Variants in DPM1 observed in about 807,000 individuals in gnomAD.
The protein encoded by DPM1 is dolichyl-phosphate mannosyltransferase subunit 1, catalytic.
DPM1 carries 27 observed loss-of-function variants against 39.0 expected under a neutral mutation model. The ratio of observed to expected loss-of-function variants is 0.69; its 90% CI spans 0.51 to 0.95. The LOEUF (loss-of-function observed/expected upper bound fraction) is 0.95. Ranked by LOEUF, DPM1 falls within the 40% of genes least tolerant of loss-of-function variation. The pLI is 0.00. For missense variants in DPM1, 307 were observed against 315.6 expected (o/e 0.97, Z 0.21); for synonymous variants, 124 against 109.0 (o/e 1.14, Z -0.86).
chr20:50,951,965 CT>C lies in DPM1; in HGVS notation c.261+3220del, dbSNP rs1429720938. On this transcript the variant is annotated intron_variant, in intron 2 of 8. Transcript: ENST00000371588. ...CTTAATTCCACCTCTCCACCCTCCC[CT>C]GATCCTTTTTTGCCTCTTCATATCA... Among the ~76,000 whole-genome samples, 6 of 152,148 alleles carry C rather than the reference CT, an allele frequency of 3.9e-5. No homozygotes were observed. In the East Asian group the frequency reaches 9.6e-4, roughly 24 times the overall value.
rs746753330 is a variant in DPM1, at chr20:50,958,354, G to C, written c.161+9C>G. On this transcript the variant is annotated intron_variant, in intron 1 of 8. Transcript: ENST00000371588. ...CTCATTCTTCGGGGAGGGAGACCTG[G>C]TGCGCTACCTCTCGGAGAAGCTTTT... The C allele has an allele frequency of 6.2e-7, 1 of 1,612,976 alleles. No individual in the cohort carries two copies. The highest frequency in any genetic ancestry group is 8.5e-7 in the Non-Finnish European group (1 of 1,180,008).
Position 50,936,155 on chromosome 20 carries a change from A to T in DPM1, c.671T>A (p.Ile224Asn), listed in dbSNP as rs2123061350. 2.5e-6 allele frequency: 4 copies of T among 1,610,712 alleles called. No individual in the cohort carries two copies. The highest frequency in any genetic ancestry group is 2.5e-6 in the Non-Finnish European group (3 of 1,176,992). ...TTAGCATCAGTTGCATACCTCGCCA[A>T]TAGTATAATTCAACTGTCTTGCCCG... ...IVRARQLNYT[I>N]GEVPISFVDR... The change falls in exon 8 of 9, where the codon ATT becomes AAT. Residue 224 changes from isoleucine (I) to asparagine (N), a missense_variant. Ile to Asn is a moderately radical substitution (Grantham distance 149). Transcript: ENST00000371588.
At chr20:50,953,176 G>A (rs149962420) in intron 2 of DPM1, among the ~76,000 whole-genome samples, 1 of 152,322 alleles carries the variant, frequency 6.6e-6, no homozygotes, top group Non-Finnish European at 1.5e-5. Flanking sequence ...AGCAGTTGAA[G>A]TCCTTCACAA....
intron 2 of DPM1, among the ~76,000 whole-genome samples, chr20:50,949,112 G>C (rs1986448502): frequency 6.6e-6 from 1 of 152,128 alleles, no homozygotes; most frequent in African/African-American, 2.4e-5. Flanking sequence ...GCCCGCCTCG[G>C]CCTCCCAAAG....
At chr20:50,946,730 A>C (rs1986306366) in intron 3 of DPM1, among the ~76,000 whole-genome samples, 1 of 152,208 alleles carries the variant, frequency 6.6e-6, no homozygotes, top group Non-Finnish European at 1.5e-5. Context: ...CAGACCCCTC[A>C]CAAGTGTCTT....
intron 2 of DPM1, among the ~76,000 whole-genome samples, chr20:50,949,623 G>A (rs1045177121): frequency 2.6e-5 from 4 of 152,136 alleles, no homozygotes; most frequent in African/African-American, 7.2e-5. Context: ...TGTGCCCTAC[G>A]TTTCTGAGGT....
chr20:50,941,159 T>A, intron 6 of DPM1: 1 of 568,282 alleles, frequency 1.8e-6, no homozygotes, highest in Admixed American at 3.4e-5. Flanking sequence ...GATGGCTGGA[T>A]CACTTGAGCC....
At chr20:50,955,994 TTAATC>T (rs1986805997) in intron 1 of DPM1, among the ~76,000 whole-genome samples, 1 of 152,248 alleles carries the variant, frequency 6.6e-6, no homozygotes, top group Non-Finnish European at 1.5e-5. Context: ...ATTATTCTTG[TTAATC>T]TGATCCAAAT....
intron 7 of DPM1, 48 bp downstream of exon 7, chr20:50,940,817 A>G (rs770615157): frequency 1.4e-6 from 2 of 1,406,836 alleles, no homozygotes; most frequent in African/African-American, 2.8e-5. Context: ...CATTGTAAAG[A>G]AAGTTAGCCA....
rs58694792 is a variant in DPM1 at position 50,941,227 on chromosome 20, A to AATATATATATATATATAT, written c.495-312_495-295dup. The AATATATATATATATATAT allele has an allele frequency of 7.4e-3, 454 of 61,078 alleles. 5 individuals are homozygous for AATATATATATATATATAT. The highest frequency in any genetic ancestry group is 0.011 in the Middle Eastern group (1 of 92). The allele number at this position is 61,078 out of a possible 1,614,324, so 3.8% of individuals were successfully genotyped here. A position where few individuals can be genotyped will look rare whatever the true frequency, so the allele number is the denominator to read the frequency against. On this transcript the variant is annotated intron_variant, in intron 6 of 8. Coordinates refer to ENST00000371588, the MANE Select transcript of DPM1 (RefSeq NM_003859.3). ...CTCCATCACTACAAAAAAAAAAGTG[A>AATATATATATATATATAT]ATATATATATATATATATATATATA...
intron 6 of DPM1, among the ~76,000 whole-genome samples, chr20:50,941,432 G>A (rs1256768731): frequency 7.4e-6 from 1 of 135,230 alleles, no homozygotes; most frequent in Non-Finnish European, 1.5e-5. Context: ...ATATATATTA[G>A]CTGGGCATGG....
chr20:50,945,002 G>A (rs1396225999), intron 5 of DPM1: 1 of 152,144 alleles, frequency 6.6e-6, no homozygotes, highest in Admixed American at 6.6e-5. Flanking sequence ...CTAGAAAATG[G>A]TAGTAAATAA....
At position 50,946,623 on chromosome 20, in the gene DPM1, TACTC is replaced by T. The variant is rs542131804; in HGVS notation, c.296-704_296-701del. On this transcript the variant is annotated intron_variant, in intron 3 of 8. Transcript: ENST00000371588. ...TGGGGCCAAAGGCCTAGGTGACAAT[TACTC>T]AGCCAGCTCCATGCCTCAAAGTCCC... is the stretch of plus-strand genomic sequence containing the variant. Among the ~76,000 whole-genome samples, 504 of 152,350 alleles carry T rather than the reference TACTC, an allele frequency of 3.3e-3. 4 individuals are homozygous for T. The highest frequency in any genetic ancestry group is 5.7e-3 in the Non-Finnish European group (386 of 68,028).
At chr20:50,955,852 C>T (rs564477320) in intron 1 of DPM1, among the ~76,000 whole-genome samples, 9 of 152,186 alleles carry the variant, frequency 5.9e-5, no homozygotes, top group Non-Finnish European at 1.3e-4. Flanking sequence ...CATGAGCCTC[C>T]GTGCCCAGCC....
At chr20:50,943,009 C>T (rs1985982898) in intron 5 of DPM1, among the ~76,000 whole-genome samples, 1 of 152,156 alleles carries the variant, frequency 6.6e-6, no homozygotes, top group Non-Finnish European at 1.5e-5. Context: ...GAAACTGTCT[C>T]TACTAAAAAT....
chr20:50,946,177 A>C (rs574662801), intron 3 of DPM1, among the ~76,000 whole-genome samples: 2 of 152,246 alleles, frequency 1.3e-5, no homozygotes, highest in African/African-American at 2.4e-5. Flanking sequence ...TCAGTATAGC[A>C]AAGAAATAGT....
chr20:50,944,825 C>A (rs999878819), intron 5 of DPM1: 5 of 152,162 alleles, frequency 3.3e-5, no homozygotes, highest in African/African-American at 7.2e-5. Flanking sequence ...TAACTAAATT[C>A]TTATCTTACT....
chr20:50,945,278 T>C (rs2123112973), intron 5 of DPM1: 1 of 130,146 alleles, frequency 7.7e-6, no homozygotes, highest in South Asian at 2.2e-4. Context: ...TAGTCTCAAA[T>C]GTGTGTTGTG....
chr20:50,940,284 T>G (rs1985613071), intron 7 of DPM1, among the ~76,000 whole-genome samples: 1 of 151,934 alleles, frequency 6.6e-6, no homozygotes, highest in African/African-American at 2.4e-5. Flanking sequence ...TTTTATAGTT[T>G]CAGAGATTAA....
Sources: gnomAD v4.1 joint callset for allele counts (sites outside exome capture counted in the v4.1 genomes callset) on GRCh38, gnomAD v4.1.1 for gene constraint, MANE v1.5 for transcripts, NCBI Gene and HGNC (gene_info 2026-07-23, HGNC 2026-07-21) for gene names.